Variants in SMC6 observed in about 807,000 individuals in gnomAD.
The protein encoded by SMC6 is structural maintenance of chromosomes protein 6.
Under a neutral mutation model 142.2 loss-of-function variants are expected in SMC6, and 79 were observed. The observed-to-expected ratio is 0.56, with a 90% CI of 0.46 to 0.67. The LOEUF (loss-of-function observed/expected upper bound fraction) is 0.67, where lower values mean the gene tolerates loss of function less well. Ranked by LOEUF, SMC6 falls within the 30% of genes least tolerant of loss-of-function variation. SMC6 has a pLI of 0.00. For missense variants in SMC6, 1,072 were observed against 1,284.0 expected, an observed-to-expected ratio of 0.83 and a Z score of 2.52; for synonymous variants, 411 against 412.4, an observed-to-expected ratio of 1.00 and a Z score of 0.04.
At chr2:17,682,065 A>G (rs551684609) in intron 24 of SMC6, 1 of 152,336 alleles carries the variant, frequency 6.6e-6, no homozygotes, top group Admixed American at 6.5e-5. Context: ...AGATTTATGT[A>G]GTAATAGAGA....
intron 25 of SMC6, 47 bp downstream of exon 25, chr2:17,678,812 C>A: frequency 7.4e-7 from 1 of 1,347,284 alleles, no homozygotes; most frequent in East Asian, 2.3e-5. Context: ...AGAAAAGAAA[C>A]AACTAGTTTT....
chr2:17,707,083 T>G, intron 18 of SMC6, 136 bp downstream of exon 18: 1 of 556,598 alleles, frequency 1.8e-6, no homozygotes, highest in Non-Finnish European at 2.9e-6. Context: ...ACTAGCTAAG[T>G]GATGTTTTAA....
chr2:17,669,553 T>C (rs924764173), intron 26 of SMC6, among the ~76,000 whole-genome samples: 1 of 151,924 alleles, frequency 6.6e-6, no homozygotes, highest in Non-Finnish European at 1.5e-5. Flanking sequence ...GAACAAATAA[T>C]AGAAAAACAG....
chr2:17,688,588 A>T (rs1667565108), intron 23 of SMC6, among the ~76,000 whole-genome samples: 1 of 152,150 alleles, frequency 6.6e-6, no homozygotes, highest in South Asian at 2.1e-4. Context: ...CTTAAGATAA[A>T]CATGGACCGT....
intron 23 of SMC6, among the ~76,000 whole-genome samples, chr2:17,693,823 C>T (rs973096100): frequency 5.3e-5 from 8 of 151,732 alleles, no homozygotes; most frequent in Admixed American, 2.0e-4. Flanking sequence ...TGATGAAACC[C>T]GGTCTCCACT....
intron 5 of SMC6, among the ~76,000 whole-genome samples, chr2:17,733,986 C>A (rs934064671): frequency 2.0e-5 from 3 of 152,124 alleles, no homozygotes; most frequent in African/African-American, 4.8e-5. Flanking sequence ...GAAACACACT[C>A]ACTTACCTGT....
At chr2:17,740,092 C>A (rs2125068686) in intron 4 of SMC6, among the ~76,000 whole-genome samples, 1 of 152,300 alleles carries the variant, frequency 6.6e-6, no homozygotes, top group African/African-American at 2.4e-5. Flanking sequence ...CTCTTTTCTT[C>A]ATTACCAAAT....
chr2:17,741,167 C>T (rs527423282), intron 4 of SMC6, among the ~76,000 whole-genome samples: 54 of 152,280 alleles, frequency 3.5e-4, no homozygotes, highest in Admixed American at 9.2e-4. Context: ...CCTAAATAAT[C>T]GATAATTTTC....
chr2:17,674,815 T>C (rs764825259), intron 25 of SMC6, among the ~76,000 whole-genome samples: 45 of 152,140 alleles, frequency 3.0e-4, no homozygotes, highest in Non-Finnish European at 1.3e-4. Context: ...TCTATTTTGT[T>C]ATTATTACAG....
intron 16 of SMC6, among the ~76,000 whole-genome samples, chr2:17,710,276 G>A (rs1668763661): frequency 6.6e-6 from 1 of 152,190 alleles, no homozygotes; most frequent in African/African-American, 2.4e-5. Context: ...GAATGACTCT[G>A]CAATAGAGAA....
chr2:17,747,756 G>A (rs927806701), intron 2 of SMC6, among the ~76,000 whole-genome samples: 8 of 151,932 alleles, frequency 5.3e-5, no homozygotes, highest in African/African-American at 7.3e-5. Context: ...TGCCCACCTC[G>A]GCCTCCCAAA....
chr2:17,708,716 C>A lies in SMC6; in HGVS notation c.1768G>T (p.Ala590Ser). ...YHPDFPTVLT[A>S]LEIDNAVVAN... is the part of the protein sequence containing the mutation. ...ACAACCGCATTATCTATTTCTAAAG[C>A]TGTCAGAACTGTTGGAAAGTCTGGA... is the stretch of plus-strand genomic sequence containing the variant. Residue 590 changes from alanine (A) to serine (S), a missense_variant, in exon 17 of 28, where the codon GCT (alanine) becomes TCT (serine). By Grantham distance (99) the Ala-to-Ser change is moderately conservative (BLOSUM62 1). Around this residue, in one of 3 missense-constraint regions of SMC6, gnomAD observed 994 missense variants for 1,153.2 expected, o/e 0.86. Coordinates refer to ENST00000448223, the MANE Select transcript of SMC6 (RefSeq NM_001142286.2). The A allele has an allele frequency of 6.4e-7, 1 of 1,553,164 alleles. No individual in the cohort carries two copies.
At chr2:17,708,824 G>GTATATA (rs10657992) in intron 16 of SMC6, 71 bp from the exon 17 acceptor site, 4,986 of 382,232 alleles carry the variant, frequency 0.013, 47 homozygotes, top group African/African-American at 0.031. Context: ...TGAAAATTGT[G>GTATATA]TATATATATA....
chr2:17,749,458 G>A (rs967927085), intron 2 of SMC6, among the ~76,000 whole-genome samples: 1 of 152,234 alleles, frequency 6.6e-6, no homozygotes, highest in Non-Finnish European at 1.5e-5. Flanking sequence ...GGGAGGCCAA[G>A]GCAGGCGGAT....
intron 3 of SMC6, 94 bp downstream of exon 3, chr2:17,745,733 C>G (rs1572366440): frequency 1.5e-6 from 2 of 1,318,950 alleles, no homozygotes; most frequent in African/African-American, 3.0e-5. Context: ...AATCATATTA[C>G]TTTTTCTTGA....
chr2:17,752,448 T>C (rs2125102121), intron 2 of SMC6, among the ~76,000 whole-genome samples: 1 of 152,322 alleles, frequency 6.6e-6, no homozygotes, highest in Non-Finnish European at 1.5e-5. Flanking sequence ...GATGCACTGA[T>C]AACTGTATTA....
intron 7 of SMC6, 95 bp downstream of exon 7, chr2:17,730,983 T>TA: frequency 1.1e-6 from 1 of 890,970 alleles, no homozygotes; most frequent in South Asian, 1.4e-5. Context: ...AGTTTACTCA[T>TA]ATGAGGCCAT....
intron 15 of SMC6, 148 bp downstream of exon 15, chr2:17,715,938 T>G: frequency 1.5e-6 from 1 of 670,814 alleles, no homozygotes; most frequent in South Asian, 5.6e-5. Flanking sequence ...TTTTATGCTT[T>G]AAAAATATAA....
chr2:17,696,338 G>T lies in SMC6; in HGVS notation c.2483C>A (p.Thr828Asn). The change falls in exon 22 of 28, where the codon ACC (threonine) becomes AAC (asparagine). Residue 828 changes from threonine (T) to asparagine (N), a missense_variant. Physicochemically the swap from Thr to Asn is moderately conservative, Grantham distance 65 (BLOSUM62 0). Coordinates refer to ENST00000448223, the MANE Select transcript of SMC6 (RefSeq NM_001142286.2). ...CAGTTCTCGTTTCTTTTTATTTAAG[G>T]TATCCAAGTGTTCTTTTTGTTTTTC... is the stretch of plus-strand genomic sequence containing the variant. The part of the protein sequence containing the change: ...YEEKQKEHLD[T>N]LNKKKRELDM... 4 of 1,607,694 alleles carry T rather than the reference G, an allele frequency of 2.5e-6. No homozygotes were observed. Among genetic ancestry groups the T allele is most frequent in the Non-Finnish European group, 3.4e-6 (4 of 1,178,446 alleles).
Sources: gnomAD v4.1 joint callset for allele counts (sites outside exome capture counted in the v4.1 genomes callset) on GRCh38, gnomAD v4.1.1 for gene constraint, gnomAD v4.1.1 regional missense constraint, MANE v1.5 for transcripts, NCBI Gene and HGNC (gene_info 2026-07-23, HGNC 2026-07-21) for gene names.